The following TSNARE1 variants were observed in gnomAD, a reference collection of about 807,000 sequenced individuals.
TSNARE1 encodes t-SNARE domain containing 1.
Under a neutral mutation model 62.0 loss-of-function variants are expected in TSNARE1, and 49 were observed. The observed-to-expected ratio is 0.79, with a 90% CI of 0.63 to 1.00. TSNARE1 has a LOEUF of 1.00. Ranked by LOEUF, TSNARE1 falls within the 50% of genes least tolerant of loss-of-function variation. The probability of loss-of-function intolerance (pLI) is 0.00; values close to 1 mark genes in which losing one functional copy is unlikely to be tolerated. For synonymous variants in TSNARE1, 328 were observed against 294.4 expected, an observed-to-expected ratio of 1.11 and a Z score of -1.17; for missense variants, 755 against 700.1, an observed-to-expected ratio of 1.08 and a Z score of -0.88.
At chr8:142,322,327 G>C (rs1038571555) in intron 6 of TSNARE1, among the ~76,000 whole-genome samples, 1 of 152,182 alleles carries the variant, frequency 6.6e-6, no homozygotes, top group Non-Finnish European at 1.5e-5. Flanking sequence ...AAGATACTTA[G>C]AGCAGAAGAT....
chr8:142,291,001 G>A lies in TSNARE1; in HGVS notation c.1291-6516C>T, dbSNP rs554739812. Among the ~76,000 whole-genome samples, 29 of 152,280 alleles carry A rather than the reference G, an allele frequency of 1.9e-4. No homozygotes were observed. The highest frequency in any genetic ancestry group is 6.2e-4 in the South Asian group (3 of 4,824). ...GACACCAGCTCTGGACCAGTGCCCC[G>A]GTGAGCCTGCTGCACGCTGGCAGTG... On this transcript the variant is annotated intron_variant, in intron 10 of 13. Coordinates refer to ENST00000524325, the MANE Select transcript of TSNARE1 (RefSeq NM_145003.5). The surrounding 1 kb of genome is among the most constrained non-coding windows in gnomAD (Gnocchi z 4.8).
rs74944513 is a variant in TSNARE1, at chr8:142,242,001, G to A, written c.1447-12422C>T. Among the ~76,000 whole-genome samples the A allele has an allele frequency of 1.9e-3, 220 of 115,290 alleles. 2 individuals are homozygous for A. The highest frequency in any genetic ancestry group is 8.0e-3 in the African/African-American group (207 of 25,814). 75.6% of individuals were successfully genotyped at this position (115,290 alleles called of 152,430 possible). The stretch of plus-strand genomic sequence containing the variant: ...AAAACTACAGTCTCCATCTCATGCC[G>A]TATACAACAATCAACTCAAAATGGA... On this transcript the variant is annotated intron_variant, in intron 12 of 13. Transcript: ENST00000524325.
At chr8:142,261,607 G>A (rs76983420) in intron 12 of TSNARE1, among the ~76,000 whole-genome samples, 2,707 of 152,154 alleles carry the variant, frequency 0.018, 79 homozygotes, top group African/African-American at 0.062. Flanking sequence ...TGTTCCTGGC[G>A]GAGGAAAGAT....
intron 10 of TSNARE1, among the ~76,000 whole-genome samples, chr8:142,285,368 GTAGATGTA>G (rs1822538132): frequency 2.1e-5 from 3 of 140,658 alleles, no homozygotes; most frequent in Non-Finnish European, 3.1e-5. Flanking sequence ...GGGTGGGTGG[GTAGATGTA>G]TGGATGGGTG....
intron 3 of TSNARE1, among the ~76,000 whole-genome samples, chr8:142,345,378 A>G (rs988091180): frequency 6.6e-6 from 1 of 152,162 alleles, no homozygotes; most frequent in African/African-American, 2.4e-5. Context: ...GTTCCTCCCC[A>G]AACCACAGCA....
At chr8:142,283,837 G>A (rs185831092) in intron 11 of TSNARE1, among the ~76,000 whole-genome samples, 1 of 132,326 alleles carries the variant, frequency 7.6e-6, no homozygotes, top group Non-Finnish European at 1.7e-5. Flanking sequence ...CTGTCAATGA[G>A]CAGAGGCAGG....
intron 13 of TSNARE1, among the ~76,000 whole-genome samples, chr8:142,215,059 CACCTGCAGGCAGAG>C (rs1815766051): frequency 6.6e-6 from 1 of 152,216 alleles, no homozygotes; most frequent in Non-Finnish European, 1.5e-5. Flanking sequence ...CAGACAGTTG[CACCTGCAGGCAGAG>C]ACCTGTCCTG....
chr8:142,342,066 C>T (rs551732165), intron 4 of TSNARE1, among the ~76,000 whole-genome samples: 1 of 152,370 alleles, frequency 6.6e-6, no homozygotes, highest in South Asian at 2.1e-4. Context: ...GAGGCCCTGT[C>T]CTCGGACACA....
At chr8:142,260,239 G>A (rs542780927) in intron 12 of TSNARE1, among the ~76,000 whole-genome samples, 1 of 152,240 alleles carries the variant, frequency 6.6e-6, no homozygotes, top group South Asian at 2.1e-4. Context: ...GAAGAAAGTA[G>A]AAAAAGTCAA....
intron 1 of TSNARE1, among the ~76,000 whole-genome samples, chr8:142,371,562 A>C (rs906403938): frequency 1.3e-5 from 2 of 152,218 alleles, no homozygotes; most frequent in African/African-American, 4.8e-5. Context: ...AACACTCATT[A>C]ATCATGACAG....
chr8:142,276,972 C>T (rs921827902), intron 11 of TSNARE1: 290 of 985,356 alleles, frequency 2.9e-4, no homozygotes, highest in Non-Finnish European at 3.0e-4. Context: ...CACAGAGATG[C>T]ACAAGGGGAG....
chr8:142,309,475 T>C (rs1444460745), intron 9 of TSNARE1, among the ~76,000 whole-genome samples: 1 of 152,238 alleles, frequency 6.6e-6, no homozygotes, highest in Non-Finnish European at 1.5e-5. Flanking sequence ...CCTTGAGTGC[T>C]GAATTTTATC....
intron 1 of TSNARE1, among the ~76,000 whole-genome samples, chr8:142,379,015 C>A (rs773275941): frequency 1.3e-5 from 2 of 152,224 alleles, no homozygotes; most frequent in African/African-American, 4.8e-5. Context: ...TCCCTGGATG[C>A]GGCTATCATG....
At chr8:142,406,595 G>A (rs1037428745), upstream of TSNARE1, 1 of 152,306 alleles carries the variant, frequency 6.6e-6, no homozygotes, top group Non-Finnish European at 1.5e-5. Flanking sequence ...ACGAGGAGGA[G>A]AAGAAACTTT....
chr8:142,320,303 C>A (rs570996398), intron 6 of TSNARE1, among the ~76,000 whole-genome samples: 15 of 152,014 alleles, frequency 9.9e-5, no homozygotes, highest in Non-Finnish European at 1.9e-4. Context: ...TAAGCCCACG[C>A]GGGTGGCCTC....
At chr8:142,300,763 G>GGACGACCTGGGTCTGAGGC in intron 9 of TSNARE1, 119 bp from the exon 10 acceptor site, 1 of 1,212,112 alleles carries the variant, frequency 8.3e-7, no homozygotes, top group South Asian at 1.6e-5. Context: ...CTCTCTGAGG[G>GGACGACCTGGGTCTGAGGC]GACGATCTGG....
chr8:142,368,722 C>A (rs911530660), intron 1 of TSNARE1, among the ~76,000 whole-genome samples: 1 of 152,154 alleles, frequency 6.6e-6, no homozygotes, highest in African/African-American at 2.4e-5. Flanking sequence ...TGCCAGCAGA[C>A]GGCAGACGGG....
At chr8:142,288,284 T>C (rs1045668051) in intron 10 of TSNARE1, among the ~76,000 whole-genome samples, 1 of 152,194 alleles carries the variant, frequency 6.6e-6, no homozygotes, top group African/African-American at 2.4e-5. Flanking sequence ...CACGCCTCTG[T>C]GCACACACGG....
At position 142,316,529 on chromosome 8, in the gene TSNARE1, T is replaced by C. The variant is rs746517346; in HGVS notation, c.985-1437A>G. ...TTATTACTGTCTAATTTAGATCTGA[T>C]AAAATCTACCCGCTTTAAGTGTAGA... On this transcript the variant is annotated intron_variant, in intron 7 of 13. Coordinates refer to ENST00000524325, the MANE Select transcript of TSNARE1 (RefSeq NM_145003.5). Among the ~76,000 whole-genome samples the C allele has an allele frequency of 5.4e-4, 82 of 151,720 alleles. 2 individuals are homozygous for C. The highest frequency in any genetic ancestry group is 1.0e-3 in the Non-Finnish European group (70 of 67,968).
Sources: gnomAD v4.1 joint callset for allele counts (sites outside exome capture counted in the v4.1 genomes callset) on GRCh38, gnomAD v4.1.1 for gene constraint, Gnocchi (gnomAD v3.1) non-coding constraint, MANE v1.5 for transcripts, NCBI Gene and HGNC (gene_info 2026-07-23, HGNC 2026-07-21) for gene names.